The following ROBO1 variants were observed in gnomAD, a reference collection of about 807,000 sequenced individuals.
ROBO1 encodes roundabout homolog 1.
In ROBO1, 149 loss-of-function variants were observed where a neutral mutation model predicts 195.9. The ratio of observed to expected loss-of-function variants is 0.76; its 90% confidence interval spans 0.67 to 0.87. The LOEUF (loss-of-function observed/expected upper bound fraction) is 0.87, where lower values mean the gene tolerates loss of function less well. Among genes scored for constraint, ROBO1 ranks in the 40% least tolerant of loss-of-function variants. ROBO1 has a pLI of 0.00. For missense variants in ROBO1, 1,933 were observed against 2,068.3 expected, an observed-to-expected ratio of 0.93 and a Z score of 1.27; for synonymous variants, 816 against 733.2, an observed-to-expected ratio of 1.11 and a Z score of -1.82.
intron 3 of ROBO1, among the ~76,000 whole-genome samples, chr3:79,057,445 A>T (rs980652623): frequency 6.6e-6 from 1 of 151,974 alleles, no homozygotes; most frequent in Non-Finnish European, 1.5e-5. Context: ...GTCAGAGACC[A>T]CCCTCAGACA....
At position 79,081,262 on chromosome 3, in the gene ROBO1, C is replaced by T. The variant is rs2079269239; in HGVS notation, c.172+44194G>A. ...GCAAACTTCTCCAGTCCTCCCCCTC[C>T]TGCTAAGATGCTGCCATTGCATTAA... On this transcript the variant is annotated intron_variant, in intron 3 of 30. Coordinates refer to ENST00000464233, the MANE Select transcript of ROBO1 (RefSeq NM_002941.4). 7.9e-5 allele frequency among the ~76,000 whole-genome samples: 12 copies of T among 152,058 alleles called. No homozygotes were observed. The South Asian group carries it at 2.5e-3, about 32-fold the overall frequency.
intron 2 of ROBO1, among the ~76,000 whole-genome samples, chr3:79,190,060 A>C (rs1041833575): frequency 2.0e-5 from 3 of 151,678 alleles, no homozygotes; most frequent in African/African-American, 7.2e-5. Flanking sequence ...ATTTTCTGTA[A>C]AGAAATGCCT....
intron 2 of ROBO1, among the ~76,000 whole-genome samples, chr3:79,320,603 T>G (rs1310211754): frequency 1.3e-5 from 2 of 152,144 alleles, no homozygotes; most frequent in Non-Finnish European, 2.9e-5. Flanking sequence ...GATCTGGGCG[T>G]CACATCTTTA....
chr3:79,168,623 T>C (rs1227513752), intron 2 of ROBO1, among the ~76,000 whole-genome samples: 2 of 152,152 alleles, frequency 1.3e-5, no homozygotes, highest in South Asian at 2.1e-4. Flanking sequence ...TGTTTGGAGG[T>C]TAAAGTCATG....
In ROBO1 at chr3:79,448,649, C is replaced by G. The variant is rs546232697; in HGVS notation, c.88+141175G>C. Among the ~76,000 whole-genome samples the G allele has an allele frequency of 5.9e-5, 9 of 152,204 alleles. No homozygotes were observed. The South Asian group carries it at 1.9e-3, about 32-fold the overall frequency. On this transcript the variant is annotated intron_variant, in intron 2 of 30. Transcript: ENST00000464233. Reference sequence around the variant, plus strand: ...CACCGCGATATGAGCTTGATGTCATCTAAATACCAAAGTTGGTATATGTAG... The same window carrying G: ...CACCGCGATATGAGCTTGATGTCATGTAAATACCAAAGTTGGTATATGTAG...
intron 2 of ROBO1, among the ~76,000 whole-genome samples, chr3:79,511,374 G>C (rs1314028607): frequency 1.3e-5 from 2 of 152,076 alleles, no homozygotes; most frequent in Non-Finnish European, 2.9e-5. Flanking sequence ...AGAAAATTTG[G>C]ATTCCTTTGG....
At chr3:79,504,414 T>G (rs761366649) in intron 2 of ROBO1, among the ~76,000 whole-genome samples, 1 of 152,104 alleles carries the variant, frequency 6.6e-6, no homozygotes, top group Non-Finnish European at 1.5e-5. Flanking sequence ...AAGAGACCTA[T>G]TTTTTCTGAT....
At chr3:78,844,168 T>C (rs1414403080) in intron 4 of ROBO1, among the ~76,000 whole-genome samples, 1 of 152,168 alleles carries the variant, frequency 6.6e-6, no homozygotes, top group Non-Finnish European at 1.5e-5. Context: ...CTTTGTACCC[T>C]ACTAAGCTAC....
At chr3:79,034,085 T>G (rs944236814) in intron 3 of ROBO1, among the ~76,000 whole-genome samples, 1 of 152,204 alleles carries the variant, frequency 6.6e-6, no homozygotes. Context: ...TCTCCAAGAA[T>G]GTATTTTCAG....
chr3:79,506,668 C>CT (rs1940415754), intron 2 of ROBO1, among the ~76,000 whole-genome samples: 1 of 152,184 alleles, frequency 6.6e-6, no homozygotes, highest in African/African-American at 2.4e-5. Context: ...TGGTCTCGAT[C>CT]TCCTGACCTC....
chr3:79,713,868 T>G (rs558374915), intron 1 of ROBO1, among the ~76,000 whole-genome samples: 2 of 152,292 alleles, frequency 1.3e-5, no homozygotes, highest in Admixed American at 1.3e-4. Context: ...CCCCATTGCT[T>G]GTTTTTGTCA....
chr3:79,245,628 C>A (rs185667066), intron 2 of ROBO1, among the ~76,000 whole-genome samples: 2 of 151,798 alleles, frequency 1.3e-5, no homozygotes, highest in East Asian at 3.9e-4. Context: ...AAGACCCCCA[C>A]CCCACCCCTC....
intron 2 of ROBO1, among the ~76,000 whole-genome samples, chr3:79,551,980 TAAAAAAAAAAAAAAAAAAAAA>T (rs771824432): frequency 3.4e-4 from 15 of 44,266 alleles, no homozygotes; most frequent in African/African-American, 1.4e-3. Flanking sequence ...TCTACAGAGT[TAAAAAAAAAAAAAAAAAAAAA>T]AAAAAAAAAA....
intron 28 of ROBO1, chr3:78,607,363 C>T: frequency 4.1e-6 from 1 of 241,674 alleles, no homozygotes; most frequent in South Asian, 7.5e-5. Flanking sequence ...TAGGCATGCA[C>T]CACCACACCT....
chr3:79,614,358 T>C (rs1442563261), intron 1 of ROBO1, among the ~76,000 whole-genome samples: 1 of 152,096 alleles, frequency 6.6e-6, no homozygotes, highest in Non-Finnish European at 1.5e-5. Context: ...ACTGCATTTA[T>C]ATATCACCCA....
chr3:78,636,161 T>A, intron 22 of ROBO1, 53 bp from the exon 23 acceptor site: 1 of 1,320,986 alleles, frequency 7.6e-7, no homozygotes, highest in Non-Finnish European at 1.0e-6. Flanking sequence ...GTTATTCCTT[T>A]TAAATTTCTT....
At chr3:78,616,739 T>G (rs1704136852) in intron 27 of ROBO1, among the ~76,000 whole-genome samples, 1 of 152,172 alleles carries the variant, frequency 6.6e-6, no homozygotes, top group South Asian at 2.1e-4. Flanking sequence ...TTTTCTTGGC[T>G]ATCAAAAATA....
chr3:79,014,687 C>T (rs2077878449), intron 3 of ROBO1, among the ~76,000 whole-genome samples: 1 of 152,086 alleles, frequency 6.6e-6, no homozygotes. Context: ...TTCCTGTAGT[C>T]TATAGATTAC....
intron 29 of ROBO1, among the ~76,000 whole-genome samples, chr3:78,603,881 C>T (rs903357471): frequency 2.0e-5 from 3 of 151,882 alleles, no homozygotes; most frequent in Non-Finnish European, 4.4e-5. Context: ...GACTAATGGT[C>T]TAGTCTTACT....
Sources: allele counts gnomAD v4.1 joint callset (sites outside exome capture counted in the v4.1 genomes callset), GRCh38; gene constraint gnomAD v4.1.1; transcripts MANE v1.5; gene names NCBI Gene and HGNC (gene_info 2026-07-23, HGNC 2026-07-21).